GSN: variants seen among roughly 807,000 people sequenced by gnomAD.
The protein encoded by GSN is actin-depolymerizing factor.
A neutral mutation model predicts 85.7 loss-of-function variants in GSN; 56 were observed. The ratio of observed to expected loss-of-function variants is 0.65; its 90% confidence interval spans 0.53 to 0.82. GSN has a LOEUF of 0.82. Among genes scored for constraint, GSN ranks in the 40% least tolerant of loss-of-function variants. The probability of loss-of-function intolerance (pLI) is 0.00; values close to 1 mark genes in which losing one functional copy is unlikely to be tolerated. For missense variants in GSN, 857 were observed against 979.8 expected (o/e 0.87, Z 1.67); for synonymous variants, 373 against 399.1 (o/e 0.93, Z 0.78).
At chr9:121,228,482 G>A (rs1450620346) in intron 4 of GSN, among the ~76,000 whole-genome samples, 2 of 132,324 alleles carry the variant, frequency 1.5e-5, no homozygotes, top group African/African-American at 5.8e-5. Context: ...TACCCAGACT[G>A]GAGTGCAGTG....
intron 5 of GSN, among the ~76,000 whole-genome samples, chr9:121,245,199 A>G (rs1049596646): frequency 6.6e-6 from 1 of 152,242 alleles, no homozygotes; most frequent in Non-Finnish European, 1.5e-5. Context: ...TGTGTATTAC[A>G]GGATGAAAAT....
At chr9:121,253,655 C>T (rs2054887106) in intron 6 of GSN, among the ~76,000 whole-genome samples, 1 of 152,200 alleles carries the variant, frequency 6.6e-6, no homozygotes, top group African/African-American at 2.4e-5. Flanking sequence ...CAGCTGCCCA[C>T]AGTGAAACAA....
At chr9:121,229,743 G>A (rs900760753) in intron 4 of GSN, among the ~76,000 whole-genome samples, 1 of 152,146 alleles carries the variant, frequency 6.6e-6, no homozygotes, top group Non-Finnish European at 1.5e-5. Flanking sequence ...TCATTGTAAA[G>A]TTACCTATTT....
intron 3 of GSN, among the ~76,000 whole-genome samples, chr9:121,302,608 C>G (rs2060002722): frequency 6.6e-6 from 1 of 152,130 alleles, no homozygotes; most frequent in South Asian, 2.1e-4. Flanking sequence ...AGTTCTGCCC[C>G]CTTGCTGAGC....
chr9:121,234,433 C>T (rs1164667998), intron 5 of GSN, among the ~76,000 whole-genome samples: 1 of 152,182 alleles, frequency 6.6e-6, no homozygotes, highest in Non-Finnish European at 1.5e-5. Flanking sequence ...CAGTTATCTC[C>T]CCATGGGCAC....
At chr9:121,245,832 A>C (rs1034264770) in intron 5 of GSN, among the ~76,000 whole-genome samples, 4 of 152,220 alleles carry the variant, frequency 2.6e-5, no homozygotes, top group Non-Finnish European at 4.4e-5. Flanking sequence ...GGCTCTCTAT[A>C]GCCTTGAACT....
At chr9:121,213,418 G>A (rs944735709) in intron 4 of GSN, among the ~76,000 whole-genome samples, 4 of 152,206 alleles carry the variant, frequency 2.6e-5, no homozygotes, top group Non-Finnish European at 4.4e-5. Flanking sequence ...CCCATGCCAG[G>A]CCCTCTTGAC....
At chr9:121,218,997 C>T (rs2054118436) in intron 4 of GSN, among the ~76,000 whole-genome samples, 1 of 152,146 alleles carries the variant, frequency 6.6e-6, no homozygotes, top group South Asian at 2.1e-4. Context: ...TGGAGGTTAC[C>T]CTACCAGTTT....
At chr9:121,290,566 T>C (rs2132869513) in intron 2 of GSN, among the ~76,000 whole-genome samples, 1 of 152,348 alleles carries the variant, frequency 6.6e-6, no homozygotes, top group East Asian at 1.9e-4. Flanking sequence ...TACAAGTTAT[T>C]GTATATACTT....
At chr9:121,308,178 T>C (rs909274570) in intron 4 of GSN, among the ~76,000 whole-genome samples, 1 of 152,036 alleles carries the variant, frequency 6.6e-6, no homozygotes, top group Non-Finnish European at 1.5e-5. Flanking sequence ...GGAAGCAGGG[T>C]GGAAAGATAG....
At chr9:121,303,443 C>T (rs559715812) in intron 4 of GSN, among the ~76,000 whole-genome samples, 78 of 152,334 alleles carry the variant, frequency 5.1e-4, no homozygotes, top group African/African-American at 1.7e-3. Flanking sequence ...AAGGCCTTGC[C>T]AACAGAGGGC....
chr9:121,282,184 C>T, intron 2 of GSN: 1 of 515,370 alleles, frequency 1.9e-6, no homozygotes, highest in South Asian at 2.0e-5. Context: ...GCTCACCTCC[C>T]AGCTTCAGCC....
chr9:121,257,604 C>T (rs1421901159), intron 6 of GSN, among the ~76,000 whole-genome samples: 1 of 152,224 alleles, frequency 6.6e-6, no homozygotes, highest in African/African-American at 2.4e-5. Flanking sequence ...GATGTGGTGG[C>T]TCCCGTCTGT....
At chr9:121,250,450 C>T (rs562443487) in intron 6 of GSN, among the ~76,000 whole-genome samples, 48 of 148,888 alleles carry the variant, frequency 3.2e-4, no homozygotes, top group African/African-American at 8.7e-4. Flanking sequence ...GTGATTTGCC[C>T]GCCTTGGCCT....
In GSN at chr9:121,317,124, G is replaced by T; in HGVS notation, c.792G>T (p.Val264=). The change falls in exon 8 of 18, where the codon GTG becomes GTT. Residue 264 remains valine, a synonymous_variant. Transcript: ENST00000432226. ...NGAGTMSVSL[V]ADENPFAQGA... Reference sequence around the variant, plus strand: ...CAGGGACCATGTCCGTCTCCCTCGTGGCTGATGAGAACCCCTTCGCCCAGG... The same window carrying T: ...CAGGGACCATGTCCGTCTCCCTCGTTGCTGATGAGAACCCCTTCGCCCAGG... 1 of 1,614,166 alleles carries T rather than the reference G, an allele frequency of 6.2e-7. No homozygotes were observed. Among genetic ancestry groups the T allele is most frequent in the Non-Finnish European group, 8.5e-7 (1 of 1,180,010 alleles).
rs2064101351 is a variant in GSN at position 121,332,734 on chromosome 9, T to C, written c.*131T>C. 3 of 686,614 alleles carry C rather than the reference T, an allele frequency of 4.4e-6. No individual in the cohort carries two copies. Among genetic ancestry groups the C allele is most frequent in the Non-Finnish European group, 7.2e-6 (3 of 414,730 alleles). 42.5% of individuals were successfully genotyped at this position (686,614 alleles called of 1,614,324 possible). On this transcript the variant is annotated 3_prime_UTR_variant, in exon 18 of 18. Coordinates refer to ENST00000432226, the MANE Select transcript of GSN (RefSeq NM_198252.3). The surrounding 1 kb of genome is among the most constrained non-coding windows in gnomAD (Gnocchi z 4.8). ...TGTGTGTGTGTTGTTTCTTTTTTTTTTTTTTACAGTATCCAAAAATAGCCC... is the reference window on the plus strand; with the variant it reads ...TGTGTGTGTGTTGTTTCTTTTTTTTCTTTTTACAGTATCCAAAAATAGCCC...
chr9:121,251,985 A>T (rs1306978936), intron 6 of GSN, among the ~76,000 whole-genome samples: 1 of 152,128 alleles, frequency 6.6e-6, no homozygotes, highest in African/African-American at 2.4e-5. Flanking sequence ...CAAACAAAAG[A>T]CATACAAACA....
chr9:121,274,439 A>G (rs1489074327), intron 1 of GSN, among the ~76,000 whole-genome samples: 1 of 152,146 alleles, frequency 6.6e-6, no homozygotes, highest in Non-Finnish European at 1.5e-5. Flanking sequence ...TTCTTTTATT[A>G]TTTCCTAGAA....
intron 2 of GSN, chr9:121,300,021 GCCCCGGGGCTC>G: frequency 6.6e-7 from 1 of 1,509,238 alleles, no homozygotes. Context: ...TGCCCGGGGG[GCCCCGGGGCTC>G]CCGGAGTAAC....
Sources: allele counts gnomAD v4.1 joint callset (sites outside exome capture counted in the v4.1 genomes callset), GRCh38; gene constraint gnomAD v4.1.1; non-coding constraint Gnocchi (gnomAD v3.1); transcripts MANE v1.5; gene names NCBI Gene and HGNC (gene_info 2026-07-23, HGNC 2026-07-21).